Variants in COL18A1 observed in about 807,000 individuals in gnomAD.
The protein encoded by COL18A1 is collagen type XVIII alpha 1 chain.
COL18A1 carries 133 observed loss-of-function variants against 168.0 expected under a neutral mutation model. That is an observed-to-expected ratio of 0.79 (90% CI 0.69 to 0.91). The LOEUF is 0.91. Among genes scored for constraint, COL18A1 ranks in the 40% least tolerant of loss-of-function variants. COL18A1 has a pLI of 0.00. For synonymous variants in COL18A1, 949 were observed against 809.0 expected, an observed-to-expected ratio of 1.17 and a Z score of -2.94; for missense variants, 2,126 against 1,925.4, an observed-to-expected ratio of 1.10 and a Z score of -1.95.
chr21:45,426,470 C>T (rs564119577), intron 2 of COL18A1, among the ~76,000 whole-genome samples: 11 of 152,306 alleles, frequency 7.2e-5, no homozygotes, highest in East Asian at 1.9e-4. Context: ...CTCTCCCGGG[C>T]GGGCGTCCAC....
intron 15 of COL18A1, among the ~76,000 whole-genome samples, chr21:45,485,380 C>T (rs1409045595): frequency 2.0e-5 from 3 of 151,572 alleles, no homozygotes; most frequent in Middle Eastern, 3.2e-3. Flanking sequence ...CCTGTAATCC[C>T]AGCACTTTGG....
intron 2 of COL18A1, among the ~76,000 whole-genome samples, chr21:45,444,555 A>G (rs1421573291): frequency 1.3e-5 from 2 of 152,074 alleles, no homozygotes; most frequent in African/African-American, 2.4e-5. Context: ...AGTGCTGTGG[A>G]CAGAGGAGCC....
In COL18A1 at chr21:45,475,517, G is replaced by C. The variant is rs560442019; in HGVS notation, c.780G>C (p.Glu260Asp). The C allele has an allele frequency of 2.5e-4, 396 of 1,607,174 alleles. 6 individuals are homozygous for C. In the South Asian group the frequency reaches 3.6e-3, roughly 15 times the overall value. The change falls in exon 5 of 42, where the codon GAG (glutamate) becomes GAC (aspartate). Residue 260 changes from glutamate to aspartate, a missense_variant. Transcript: ENST00000651438. ...DSGSGLGDAR[E>D]LLREETGAAL... ...GCAGCGGGCTCGGGGACGCCCGGGA[G>C]CTTCTCAGGGAGGAGACGGTGAGTA...
chr21:45,415,270 G>T (rs767344315), intron 2 of COL18A1, among the ~76,000 whole-genome samples: 98 of 152,182 alleles, frequency 6.4e-4, no homozygotes, highest in Non-Finnish European at 1.2e-3. Flanking sequence ...GCTGCTGGGG[G>T]TCAGAATACG....
intron 2 of COL18A1, chr21:45,467,464 C>G: frequency 3.1e-6 from 3 of 982,426 alleles, no homozygotes; most frequent in Non-Finnish European, 3.6e-6. Flanking sequence ...ATTGTGGCCC[C>G]GAGGGGAATC....
chr21:45,456,528 G>T (rs750022736), intron 2 of COL18A1: 1 of 1,547,718 alleles, frequency 6.5e-7, no homozygotes. Flanking sequence ...CCCGCCGGTC[G>T]CTGCCTGCCC....
intron 2 of COL18A1, among the ~76,000 whole-genome samples, chr21:45,436,088 C>T (rs2034087658): frequency 6.6e-6 from 1 of 152,222 alleles, no homozygotes; most frequent in African/African-American, 2.4e-5. Flanking sequence ...CAATGTGCAG[C>T]GTTTGCAGAC....
intron 38 of COL18A1, 73 bp downstream of exon 38, chr21:45,507,666 A>T: frequency 7.1e-7 from 1 of 1,412,338 alleles, no homozygotes; most frequent in Non-Finnish European, 9.9e-7. Flanking sequence ...CCCCTGTTTG[A>T]GGAACAACAC....
Position 45,438,361 on chromosome 21 carries a change from C to G in COL18A1, c.107-29881C>G, listed in dbSNP as rs554005876. 4.1e-4 allele frequency among the ~76,000 whole-genome samples: 58 copies of G among 142,632 alleles called. 1 individual carries two copies. Among genetic ancestry groups the G allele is most frequent in the Non-Finnish European group, 7.3e-4 (48 of 65,730 alleles). 93.6% of individuals were successfully genotyped at this position (142,632 alleles called of 152,430 possible). On this transcript the variant is annotated intron_variant, in intron 2 of 41. Coordinates refer to ENST00000651438, the MANE Select transcript of COL18A1 (RefSeq NM_001379500.1). ...ACACTCACACACTCAGACACACAGG[C>G]ACTCTCCTGCACACACACACACTCA...
chr21:45,505,207 A>G lies in COL18A1; in HGVS notation c.2942A>G (p.Glu981Gly), dbSNP rs1328188989. 1.9e-6 allele frequency: 3 copies of G among 1,602,698 alleles called. No individual in the cohort carries two copies. The highest frequency in any genetic ancestry group is 2.7e-5 in the African/African-American group (2 of 74,520). ...CAGGGACCCCCCGGCATCGGCTACG[A>G]GGGGCGCCAGGGCCCTCCCGGCCCC... ...GPQGPPGIGY[E>G]GRQGPPGPPG... The change falls in exon 35 of 42, where the codon GAG (glutamate) becomes GGG (glycine). Residue 981 changes from glutamate to glycine, a missense_variant. Coordinates refer to ENST00000651438, the MANE Select transcript of COL18A1 (RefSeq NM_001379500.1).
At chr21:45,474,125 T>C (rs1237358224) in intron 4 of COL18A1, 144 bp downstream of exon 4, 1 of 666,416 alleles carries the variant, frequency 1.5e-6, no homozygotes, top group Non-Finnish European at 2.7e-6. Context: ...TGCTCTCCTG[T>C]AGCACCTCAG....
chr21:45,486,081 A>G (rs1250101228), intron 15 of COL18A1, among the ~76,000 whole-genome samples: 1 of 152,038 alleles, frequency 6.6e-6, no homozygotes, highest in African/African-American at 2.4e-5. Context: ...CCGGGCTCTC[A>G]CCTCACACTC....
At chr21:45,434,397 C>T (rs1287756644) in intron 2 of COL18A1, among the ~76,000 whole-genome samples, 1 of 152,164 alleles carries the variant, frequency 6.6e-6, no homozygotes, top group African/African-American at 2.4e-5. Context: ...CCCAGGCAGC[C>T]ATTAACAGGT....
At chr21:45,429,707 C>A (rs1251301942) in intron 2 of COL18A1, among the ~76,000 whole-genome samples, 1 of 152,144 alleles carries the variant, frequency 6.6e-6, no homozygotes, top group Non-Finnish European at 1.5e-5. Flanking sequence ...TCTGGCAGCC[C>A]CTGTCAGCAT....
intron 9 of COL18A1, among the ~76,000 whole-genome samples, chr21:45,479,183 T>TGGG (rs1568906487): frequency 7.3e-6 from 1 of 137,266 alleles, no homozygotes; most frequent in Non-Finnish European, 1.6e-5. Flanking sequence ...TGCGCGTGTG[T>TGGG]GTGGGGGGGT....
In COL18A1 at chr21:45,493,530, C is replaced by T. The variant is rs1373990752; in HGVS notation, c.2307C>T (p.Phe769=). ...AGAAGGGTGAACCGGGCAGCATCTT[C>T]AGCCCCGACGGCGGTGCCCTGGGCC... is the stretch of plus-strand genomic sequence containing the variant. ...KGEKGEPGSI[F]SPDGGALGPA... Residue 769 remains phenylalanine, a synonymous_variant, in exon 26 of 42, where the codon TTC becomes TTT. Transcript: ENST00000651438. 1 of 1,562,294 alleles carries T rather than the reference C, an allele frequency of 6.4e-7. No individual in the cohort carries two copies. Among genetic ancestry groups the T allele is most frequent in the Non-Finnish European group, 8.7e-7 (1 of 1,154,318 alleles).
At chr21:45,437,874 A>G (rs2034220694) in intron 2 of COL18A1, among the ~76,000 whole-genome samples, 1 of 66,840 alleles carries the variant, frequency 1.5e-5, no homozygotes, top group Admixed American at 1.3e-4. Context: ...ACTCAGACAC[A>G]CAGGCACTCT....
intron 2 of COL18A1, among the ~76,000 whole-genome samples, chr21:45,449,125 G>A (rs2034566777): frequency 6.6e-6 from 1 of 152,214 alleles, no homozygotes; most frequent in African/African-American, 2.4e-5. Flanking sequence ...AGGCCCCGCT[G>A]CCCGGCTCAT....
At chr21:45,501,290 C>CA (rs1568935001) in intron 32 of COL18A1, among the ~76,000 whole-genome samples, 1 of 152,030 alleles carries the variant, frequency 6.6e-6, no homozygotes, top group Non-Finnish European at 1.5e-5. Context: ...AAGAAAAACA[C>CA]AAATCAATCA....
Sources: gnomAD v4.1 joint callset for allele counts (sites outside exome capture counted in the v4.1 genomes callset) on GRCh38, gnomAD v4.1.1 for gene constraint, MANE v1.5 for transcripts, NCBI Gene and HGNC (gene_info 2026-07-23, HGNC 2026-07-21) for gene names.